EIF2AK2: variants seen among roughly 807,000 people sequenced by gnomAD.
The protein encoded by EIF2AK2 is eukaryotic translation initiation factor 2 alpha kinase 2, also known as interferon-induced, double-stranded RNA-activated protein kinase.
EIF2AK2 carries 40 observed loss-of-function variants against 70.5 expected under a neutral mutation model. That is an observed-to-expected ratio of 0.57 (90% CI 0.44 to 0.74). The LOEUF is 0.74. Among genes scored for constraint, EIF2AK2 ranks in the 30% least tolerant of loss-of-function variants. The pLI is 0.00. For missense variants in EIF2AK2, 555 were observed against 644.3 expected, an observed-to-expected ratio of 0.86 and a Z score of 1.50; for synonymous variants, 198 against 220.9, an observed-to-expected ratio of 0.90 and a Z score of 0.92.
intron 10 of EIF2AK2, among the ~76,000 whole-genome samples, chr2:37,131,012 T>C (rs75509467): frequency 0.056 from 8,472 of 152,290 alleles, 364 homozygotes; most frequent in African/African-American, 0.12. Context: ...GCAAGGCATT[T>C]AACAAGTCCC....
At chr2:37,113,277 C>A (rs1674220652) in intron 14 of EIF2AK2, among the ~76,000 whole-genome samples, 2 of 152,054 alleles carry the variant, frequency 1.3e-5, no homozygotes, top group South Asian at 4.2e-4. Flanking sequence ...GGGTGGATTA[C>A]CTGAGGTCAG....
At chr2:37,120,319 C>T (rs1371049517) in intron 12 of EIF2AK2, among the ~76,000 whole-genome samples, 180 bp from the exon 13 acceptor site, 1 of 149,852 alleles carries the variant, frequency 6.7e-6, no homozygotes, top group African/African-American at 2.5e-5. Flanking sequence ...AGATCGAGAC[C>T]ACGGTGAAAC....
chr2:37,155,216 A>G (rs1181020102), intron 1 of EIF2AK2, among the ~76,000 whole-genome samples: 4 of 152,070 alleles, frequency 2.6e-5, no homozygotes, highest in Non-Finnish European at 4.4e-5. Context: ...GGCCTGGTCA[A>G]TTTCTACTTC....
At position 37,106,706 on chromosome 2, in the gene EIF2AK2, A is replaced by ATATAAAAAGTATTCAT. The variant is rs1473105060; in HGVS notation, c.*566_*567insATGAATACTTTTTATA. The stretch of plus-strand genomic sequence containing the variant: ...TAGATATGAATTGATTGATTCATTA[A>ATATAAAAAGTATTCAT]TAGTATAAAAAGAAAATTTGGGGGT... On this transcript the variant is annotated 3_prime_UTR_variant, in exon 17 of 17. Transcript: ENST00000233057. 6.6e-6 allele frequency: 1 copy of ATATAAAAAGTATTCAT among 152,108 alleles called. No individual in the cohort carries two copies. The highest frequency in any genetic ancestry group is 1.5e-5 in the Non-Finnish European group (1 of 68,074). 9.4% of individuals were successfully genotyped at this position (152,108 alleles called of 1,614,324 possible). A position where few individuals can be genotyped will look rare whatever the true frequency, so the allele number is the denominator to read the frequency against.
At chr2:37,153,611 C>G in intron 1 of EIF2AK2, among the ~76,000 whole-genome samples, 1 of 152,118 alleles carries the variant, frequency 6.6e-6, no homozygotes, top group Non-Finnish European at 1.5e-5. Flanking sequence ...GGTTATTTCA[C>G]TTAGCAAAAT....
chr2:37,129,458 C>A (rs764553650), intron 10 of EIF2AK2, among the ~76,000 whole-genome samples: 1 of 152,278 alleles, frequency 6.6e-6, no homozygotes, highest in South Asian at 2.1e-4. Flanking sequence ...CCAAACATTA[C>A]AGGAGGAAAT....
Position 37,137,031 on chromosome 2 carries a change from A to G in EIF2AK2, c.688-14T>C, listed in dbSNP as rs1675151580. 2.5e-6 allele frequency: 4 copies of G among 1,598,746 alleles called. No homozygotes were observed. Among genetic ancestry groups the G allele is most frequent in the Admixed American group, 1.8e-5 (1 of 57,082 alleles). The stretch of plus-strand genomic sequence containing the variant: ...TCTGAGACCATTCTATAACAAAAGA[A>G]AATGAGAAATAGTTTCAGATGACTA... On this transcript the variant is annotated splice_polypyrimidine_tract_variant and intron_variant, in intron 8 of 16. Transcript: ENST00000233057.
chr2:37,100,614 T>A lies in EIF2AK2; in HGVS notation c.*6659A>T, dbSNP rs1239132990. ...ATTTTTAAGAAATGTAAGATTTGGA[T>A]AAGTCATAATCACAGATCAGAAACT... On this transcript the variant is annotated 3_prime_UTR_variant, in exon 17 of 17. Transcript: ENST00000233057. 3 of 152,246 alleles carry A rather than the reference T, an allele frequency of 2.0e-5. No homozygotes were observed. Among genetic ancestry groups the A allele is most frequent in the African/African-American group, 4.8e-5 (2 of 41,470 alleles). The allele number at this position is 152,246 out of a possible 1,614,324, so 9.4% of individuals were successfully genotyped here. A position where few individuals can be genotyped will look rare whatever the true frequency, so the allele number is the denominator to read the frequency against.
In EIF2AK2 at chr2:37,145,742, C is replaced by CTTTTTTTTTTTT. The variant is rs56051707; in HGVS notation, c.240+1099_240+1110dup. 9.8e-5 allele frequency among the ~76,000 whole-genome samples: 5 copies of CTTTTTTTTTTTT among 51,198 alleles called. 1 individual carries two copies. Among genetic ancestry groups the CTTTTTTTTTTTT allele is most frequent in the Admixed American group, 3.3e-4 (1 of 2,988 alleles). The allele number at this position is 51,198 out of a possible 152,430, so 33.6% of individuals were successfully genotyped here. ...CTTATATGGGTGTACTTTTGCTTGT[C>CTTTTTTTTTTTT]TTTTTTTTTTTTTTTTTTTTTTTTT... is the stretch of plus-strand genomic sequence containing the variant. On this transcript the variant is annotated intron_variant, in intron 4 of 16. Transcript: ENST00000233057.
chr2:37,107,196 A>G lies in EIF2AK2; in HGVS notation c.*77T>C, dbSNP rs1241931101. On this transcript the variant is annotated 3_prime_UTR_variant, in exon 17 of 17. Transcript: ENST00000233057. Reference sequence around the variant, plus strand: ...ACATTAAAATAAAAGGTAAATATCTATTGATATTCCCTAGCAGATTTTAGA... The same window carrying G: ...ACATTAAAATAAAAGGTAAATATCTGTTGATATTCCCTAGCAGATTTTAGA... 10 of 1,512,120 alleles carry G rather than the reference A, an allele frequency of 6.6e-6. No homozygotes were observed. In the Admixed American group the frequency reaches 2.0e-4, roughly 30 times the overall value. 93.7% of individuals were successfully genotyped at this position (1,512,120 alleles called of 1,614,324 possible).
At chr2:37,123,023 C>T (rs1328012821) in intron 11 of EIF2AK2, among the ~76,000 whole-genome samples, 1 of 151,934 alleles carries the variant, frequency 6.6e-6, no homozygotes, top group African/African-American at 2.4e-5. Flanking sequence ...AAAAATTTAG[C>T]TGGGCACAGT....
At chr2:37,120,227 C>G in intron 12 of EIF2AK2, 88 bp from the exon 13 acceptor site, 1 of 936,366 alleles carries the variant, frequency 1.1e-6, no homozygotes, top group Non-Finnish European at 1.4e-6. Flanking sequence ...TTTTTCATAA[C>G]TTTTTAAAAG....
At chr2:37,153,704 T>C (rs1018783579) in intron 1 of EIF2AK2, among the ~76,000 whole-genome samples, 2 of 152,226 alleles carry the variant, frequency 1.3e-5, no homozygotes, top group Non-Finnish European at 2.9e-5. Flanking sequence ...TGTGTATATA[T>C]ACCATATTTT....
intron 12 of EIF2AK2, 123 bp downstream of exon 12, chr2:37,122,383 G>T: frequency 2.8e-6 from 3 of 1,053,858 alleles, no homozygotes; most frequent in Non-Finnish European, 4.0e-6. Context: ...AGATAACAGT[G>T]TCTCTCAGAG....
intron 9 of EIF2AK2, 76 bp downstream of exon 9, chr2:37,136,907 A>G: frequency 1.5e-6 from 2 of 1,337,152 alleles, no homozygotes; most frequent in Non-Finnish European, 2.1e-6. Flanking sequence ...ACAATACTCT[A>G]CAAGTATTAA....
chr2:37,115,943 A>C (rs6544057), intron 13 of EIF2AK2, among the ~76,000 whole-genome samples: 145,097 of 152,102 alleles, frequency 0.95, 69,569 homozygotes, highest in East Asian at 1. Context: ...GTCACCCAGG[A>C]TGGAGTGTAG....
At position 37,126,323 on chromosome 2, in the gene EIF2AK2, T is replaced by C; in HGVS notation, c.874A>G (p.Thr292Ala). Residue 292 changes from threonine (T) to alanine (A), a missense_variant, in exon 11 of 17, where the codon ACT becomes GCT. Thr to Ala is a moderately conservative substitution (Grantham distance 58, BLOSUM62 0). Around this residue, in one of 3 missense-constraint regions of EIF2AK2, gnomAD observed 299 missense variants for 375.4 expected, o/e 0.80. Coordinates refer to ENST00000233057, the MANE Select transcript of EIF2AK2 (RefSeq NM_001135651.3). ...FKAKHRIDGKTYVIKRVKYNN... is the reference protein window; with the variant it reads ...FKAKHRIDGKAYVIKRVKYNN... ...TATTTAACACGTTTAATAACGTAAG[T>C]CTTTCCGTCAATTCTGTGTTTTGCT... 6.2e-7 allele frequency: 1 copy of C among 1,610,828 alleles called. No individual in the cohort carries two copies. Among genetic ancestry groups the C allele is most frequent in the Middle Eastern group, 1.7e-4 (1 of 6,050 alleles).
At chr2:37,142,167 GT>G (rs1675357097) in intron 4 of EIF2AK2, among the ~76,000 whole-genome samples, 1 of 151,816 alleles carries the variant, frequency 6.6e-6, no homozygotes, top group African/African-American at 2.4e-5. Context: ...GTGTCACTTT[GT>G]CACCCAGGCT....
At chr2:37,128,566 G>A (rs994131443) in intron 10 of EIF2AK2, among the ~76,000 whole-genome samples, 1 of 152,158 alleles carries the variant, frequency 6.6e-6, no homozygotes, top group African/African-American at 2.4e-5. Flanking sequence ...CAATTAAACT[G>A]TTCGGGTGGA....
Sources: gnomAD v4.1 joint callset for allele counts (sites outside exome capture counted in the v4.1 genomes callset) on GRCh38, gnomAD v4.1.1 for gene constraint, gnomAD v4.1.1 regional missense constraint, MANE v1.5 for transcripts, NCBI Gene and HGNC (gene_info 2026-07-23, HGNC 2026-07-21) for gene names.